The following HERC5 variants were observed in gnomAD, a reference collection of about 807,000 sequenced individuals.
HERC5 encodes E3 ISG15--protein ligase HERC5.
A neutral mutation model predicts 119.6 loss-of-function variants in HERC5; 99 were observed. That is an observed-to-expected ratio of 0.83 (90% CI 0.70 to 0.98). HERC5 has a LOEUF of 0.98. HERC5 is among the 50% of genes least tolerant of loss of function. The probability of loss-of-function intolerance (pLI) is 0.00; values close to 1 mark genes in which losing one functional copy is unlikely to be tolerated. For synonymous variants in HERC5, 478 were observed against 445.9 expected, an observed-to-expected ratio of 1.07 and a Z score of -0.91; for missense variants, 1,267 against 1,241.3, an observed-to-expected ratio of 1.02 and a Z score of -0.31.
intron 11 of HERC5, among the ~76,000 whole-genome samples, chr4:88,475,632 G>C (rs1741036871): frequency 6.6e-6 from 1 of 152,080 alleles, no homozygotes; most frequent in South Asian, 2.1e-4. Context: ...ATTGAATGGA[G>C]AGAATACTAA....
intron 20 of HERC5, among the ~76,000 whole-genome samples, chr4:88,502,764 C>T (rs1293375636): frequency 6.6e-6 from 1 of 151,984 alleles, no homozygotes; most frequent in African/African-American, 2.4e-5. Flanking sequence ...ATTTGCATTT[C>T]TCTGATTACT....
At chr4:88,458,780 C>A (rs1299988027) in intron 1 of HERC5, among the ~76,000 whole-genome samples, 1 of 152,134 alleles carries the variant, frequency 6.6e-6, no homozygotes, top group Non-Finnish European at 1.5e-5. Flanking sequence ...CTCTTAACTT[C>A]AGAAAGGGCC....
chr4:88,482,666 C>T lies in HERC5; in HGVS notation c.1737+3159C>T, dbSNP rs772402846. ...TGTGTGGGCTGAAAATAGACAGGTC[C>T]CCCTGGCCCTGCAGACCCCTTATTC... On this transcript the variant is annotated intron_variant, in intron 13 of 22. Coordinates refer to ENST00000264350, the MANE Select transcript of HERC5 (RefSeq NM_016323.4). Among the ~76,000 whole-genome samples the T allele has an allele frequency of 1.1e-4, 17 of 152,160 alleles. 1 individual carries two copies. The highest frequency in any genetic ancestry group is 3.9e-4 in the Admixed American group (6 of 15,282).
intron 18 of HERC5, among the ~76,000 whole-genome samples, chr4:88,499,419 T>G (rs1388418236): frequency 1.3e-5 from 2 of 152,238 alleles, no homozygotes; most frequent in Non-Finnish European, 2.9e-5. Flanking sequence ...GTGACCTCTA[T>G]TCTCACAAAT....
At chr4:88,504,913 T>G (rs1353744830) in intron 22 of HERC5, among the ~76,000 whole-genome samples, 1 of 152,236 alleles carries the variant, frequency 6.6e-6, no homozygotes, top group Non-Finnish European at 1.5e-5. Context: ...AATATTTTAT[T>G]TGGCTAATTT....
rs1742095355 is a variant in HERC5, at chr4:88,506,027, G to A, written c.*149G>A. ...TCTGTCTCTAGTGATAAGCAGGAAAGAGGGATGAAGAAGAGGGTTTACTGG... is the reference window on the plus strand; with the variant it reads ...TCTGTCTCTAGTGATAAGCAGGAAAAAGGGATGAAGAAGAGGGTTTACTGG... On this transcript the variant is annotated 3_prime_UTR_variant, in exon 23 of 23. Transcript: ENST00000264350. 1.5e-6 allele frequency: 1 copy of A among 652,034 alleles called. No individual in the cohort carries two copies. Among genetic ancestry groups the A allele is most frequent in the Non-Finnish European group, 2.7e-6 (1 of 376,880 alleles). The allele number at this position is 652,034 out of a possible 1,614,324, so 40.4% of individuals were successfully genotyped here.
At chr4:88,498,299 C>G (rs1240329318) in intron 18 of HERC5, among the ~76,000 whole-genome samples, 1 of 152,138 alleles carries the variant, frequency 6.6e-6, no homozygotes, top group Non-Finnish European at 1.5e-5. Flanking sequence ...TCAAAAGCAC[C>G]CAACACTAAT....
At chr4:88,494,522 A>G (rs528437415) in intron 18 of HERC5, among the ~76,000 whole-genome samples, 191 bp downstream of exon 18, 50 of 152,354 alleles carry the variant, frequency 3.3e-4, no homozygotes, top group African/African-American at 1.2e-3. Context: ...GATTATTCCC[A>G]TAACTAGACT....
chr4:88,502,800 T>C (rs2717532), intron 20 of HERC5, among the ~76,000 whole-genome samples: 11,734 of 152,218 alleles, frequency 0.077, 627 homozygotes, highest in Non-Finnish European at 0.12. Context: ...ATATGCTTAT[T>C]GGCTGTTTGG....
At position 88,505,659 on chromosome 4, in the gene HERC5, A is replaced by C. The variant is rs1383717843; in HGVS notation, c.2870-14A>C. On this transcript the variant is annotated splice_polypyrimidine_tract_variant and intron_variant, in intron 22 of 22. Transcript: ENST00000264350. ...CATGTAAAACAGATTGCCTAATTTT[A>C]TTCTTCTTTTTAGTATTTCTTACAG... The C allele has an allele frequency of 2.8e-5, 40 of 1,443,406 alleles. No individual in the cohort carries two copies. The highest frequency in any genetic ancestry group is 5.7e-5 in the Admixed American group (3 of 52,866). The allele number at this position is 1,443,406 out of a possible 1,614,324, so 89.4% of individuals were successfully genotyped here.
In HERC5 at chr4:88,492,579, A is replaced by C. The variant is rs1317221995; in HGVS notation, c.2134-433A>C. 2.6e-5 allele frequency among the ~76,000 whole-genome samples: 4 copies of C among 151,732 alleles called. No homozygotes were observed. In the East Asian group the frequency reaches 7.8e-4, roughly 30 times the overall value. ...GCCAACACAGTGAAACCCCGTCTCT[A>C]CTTAAAATACAAAAAAATTAGCCAG... On this transcript the variant is annotated intron_variant, in intron 16 of 22. Transcript: ENST00000264350.
intron 11 of HERC5, chr4:88,473,698 T>A (rs964446774): frequency 2.0e-5 from 3 of 152,204 alleles, no homozygotes; most frequent in African/African-American, 4.8e-5. Context: ...TCTAAAATCC[T>A]CCTGTGGGGG....
chr4:88,459,476 G>A lies in HERC5; in HGVS notation c.389+6G>A. 1 of 1,515,148 alleles carries A rather than the reference G, an allele frequency of 6.6e-7. No homozygotes were observed. The highest frequency in any genetic ancestry group is 8.8e-7 in the Non-Finnish European group (1 of 1,131,818). The allele number at this position is 1,515,148 out of a possible 1,614,324, so 93.9% of individuals were successfully genotyped here. The stretch of plus-strand genomic sequence containing the variant: ...TATAGCATGAAACATCTAAGGTAGG[G>A]AACTTTTTTCTTTTATTAAAAATTA... On this transcript the variant is annotated splice_donor_region_variant and intron_variant, in intron 2 of 22. Coordinates refer to ENST00000264350, the MANE Select transcript of HERC5 (RefSeq NM_016323.4).
chr4:88,505,859 A>G lies in HERC5; in HGVS notation c.3056A>G (p.Asn1019Ser). 6.2e-7 allele frequency: 1 copy of G among 1,611,098 alleles called. No homozygotes were observed. The change falls in exon 23 of 23, where the codon AAC becomes AGC. Residue 1019 changes from asparagine (N) to serine (S), a missense_variant. Asn to Ser is a conservative substitution (Grantham distance 46, BLOSUM62 1). Around this residue, in one of 3 missense-constraint regions of HERC5, gnomAD observed 473 missense variants for 445.7 expected, o/e 1.06. Transcript: ENST00000264350. ...VEEALQEAINNNRGFG is the reference protein window; with the variant it reads ...VEEALQEAINSNRGFG ...GAAGCGCTTCAAGAAGCCATCAACA[A>G]CAACAGAGGATTTGGCTGACCAGCT...
At chr4:88,479,330 T>C in intron 12 of HERC5, 23 bp from the exon 13 acceptor site, 1 of 1,511,560 alleles carries the variant, frequency 6.6e-7, no homozygotes, top group Non-Finnish European at 8.9e-7. Context: ...TTTTAAAAAA[T>C]TTGCTTTCCT....
intron 16 of HERC5, among the ~76,000 whole-genome samples, chr4:88,489,679 G>C (rs1741572559): frequency 6.6e-6 from 1 of 152,112 alleles, no homozygotes; most frequent in East Asian, 1.9e-4. Context: ...GGTTAGCATA[G>C]AGGAGAATTA....
intron 15 of HERC5, among the ~76,000 whole-genome samples, chr4:88,488,139 A>G (rs867722850): frequency 3.9e-5 from 6 of 152,110 alleles, no homozygotes; most frequent in Middle Eastern, 6.8e-3. Context: ...CTTATAACCT[A>G]TTCTCTCCTG....
intron 16 of HERC5, among the ~76,000 whole-genome samples, chr4:88,490,517 G>A (rs923798167): frequency 6.6e-6 from 1 of 152,146 alleles, no homozygotes; most frequent in Non-Finnish European, 1.5e-5. Flanking sequence ...ATTAAAGAAA[G>A]ATTGACTTTA....
At chr4:88,491,099 T>TG (rs946009285) in intron 16 of HERC5, among the ~76,000 whole-genome samples, 2 of 152,140 alleles carry the variant, frequency 1.3e-5, no homozygotes, top group African/African-American at 4.8e-5. Flanking sequence ...GATAATCTTG[T>TG]GGGAAAACTG....
Sources: gnomAD v4.1 joint callset for allele counts (sites outside exome capture counted in the v4.1 genomes callset) on GRCh38, gnomAD v4.1.1 for gene constraint, gnomAD v4.1.1 regional missense constraint, MANE v1.5 for transcripts, NCBI Gene and HGNC (gene_info 2026-07-23, HGNC 2026-07-21) for gene names.